Variants in MECOM observed in about 807,000 individuals in gnomAD.
MECOM encodes the protein histone-lysine N-methyltransferase MECOM.
Under a neutral mutation model 116.3 loss-of-function variants are expected in MECOM, and 13 were observed. The ratio of observed to expected loss-of-function variants is 0.11; its 90% CI spans 0.07 to 0.18. The LOEUF is 0.18. Ranked by LOEUF, MECOM falls within the 10% of genes least tolerant of loss-of-function variation. MECOM has a pLI of 1.00. For missense variants in MECOM, 1,299 were observed against 1,509.0 expected (o/e 0.86, Z 2.31); for synonymous variants, 528 against 535.2 (o/e 0.99, Z 0.19).
intron 1 of MECOM, among the ~76,000 whole-genome samples, chr3:169,621,684 G>T (rs766661284): frequency 6.6e-6 from 1 of 152,150 alleles, no homozygotes; most frequent in Non-Finnish European, 1.5e-5. Flanking sequence ...TTGAACCCAG[G>T]GGGTGGAGTT....
chr3:169,482,328 C>CTTTTTTTTTTTTTTTTTT (rs768771100), intron 1 of MECOM, among the ~76,000 whole-genome samples: 1 of 108,396 alleles, frequency 9.2e-6, no homozygotes, highest in East Asian at 2.7e-4. Flanking sequence ...AACCCACGTT[C>CTTTTTTTTTTTTTTTTTT]TTTTTTTTTT....
chr3:169,455,915 A>G (rs1306075967), intron 1 of MECOM, among the ~76,000 whole-genome samples: 1 of 152,222 alleles, frequency 6.6e-6, no homozygotes, highest in Non-Finnish European at 1.5e-5. Context: ...GTTTGCTGGT[A>G]GAAAGCTTTT....
At chr3:169,229,616 A>G (rs984178865) in intron 2 of MECOM, among the ~76,000 whole-genome samples, 4 of 152,086 alleles carry the variant, frequency 2.6e-5, no homozygotes, top group African/African-American at 7.2e-5. Context: ...ACTACTTTCA[A>G]TGGCCCTGGT....
At position 169,309,304 on chromosome 3, in the gene MECOM, C is replaced by A. The variant is rs554983176; in HGVS notation, c.375+71883G>T. On this transcript the variant is annotated intron_variant, in intron 2 of 16. Coordinates refer to ENST00000651503, the MANE Select transcript of MECOM (RefSeq NM_004991.4). ...AAATGGTAAAATAATCTCAGAAGTCCATGTGAGTATGCAAATGTATATTTG... is the reference window on the plus strand; with the variant it reads ...AAATGGTAAAATAATCTCAGAAGTCAATGTGAGTATGCAAATGTATATTTG... Among the ~76,000 whole-genome samples the A allele has an allele frequency of 2.6e-5, 4 of 152,134 alleles. No individual in the cohort carries two copies. In the South Asian group the frequency reaches 8.3e-4, roughly 32 times the overall value.
intron 2 of MECOM, among the ~76,000 whole-genome samples, chr3:169,303,416 A>T (rs1717119447): frequency 6.6e-6 from 1 of 152,134 alleles, no homozygotes; most frequent in Non-Finnish European, 1.5e-5. Flanking sequence ...TCTGTGCCTG[A>T]CCTAAAGATT....
rs963465983 is a variant in MECOM at position 169,230,547 on chromosome 3, T to C, written c.376-86715A>G. ...AAAAAGATGCATAACAAGTATCTTT[T>C]AAATATCAAGCTCTAAAGTAAGTTT... On this transcript the variant is annotated intron_variant, in intron 2 of 16. Transcript: ENST00000651503. Among the ~76,000 whole-genome samples, 4 of 152,180 alleles carry C rather than the reference T, an allele frequency of 2.6e-5. No individual in the cohort carries two copies. In the East Asian group the frequency reaches 7.7e-4, roughly 29 times the overall value.
intron 1 of MECOM, among the ~76,000 whole-genome samples, chr3:169,558,519 T>C (rs960413065): frequency 2.0e-5 from 3 of 152,198 alleles, no homozygotes; most frequent in African/African-American, 7.2e-5. Context: ...TTAAAGTATT[T>C]CACTGGCCTT....
intron 2 of MECOM, among the ~76,000 whole-genome samples, chr3:169,348,166 G>A (rs1725687938): frequency 6.6e-6 from 1 of 152,022 alleles, no homozygotes; most frequent in Non-Finnish European, 1.5e-5. Flanking sequence ...ATGTGAGAGT[G>A]GAGAAAGATG....
At chr3:169,662,365 C>T (rs1169149462) in intron 1 of MECOM, among the ~76,000 whole-genome samples, 1 of 152,216 alleles carries the variant, frequency 6.6e-6, no homozygotes, top group African/African-American at 2.4e-5. Flanking sequence ...GTTTGCTCGG[C>T]GCCCAGCAAG....
chr3:169,123,818 G>A (rs1472785585), intron 5 of MECOM, among the ~76,000 whole-genome samples: 1 of 152,040 alleles, frequency 6.6e-6, no homozygotes, highest in African/African-American at 2.4e-5. Context: ...GGTGGGGCAA[G>A]TGAAGCATCA....
At chr3:169,245,263 A>G (rs1351543658) in intron 2 of MECOM, among the ~76,000 whole-genome samples, 1 of 152,224 alleles carries the variant, frequency 6.6e-6, no homozygotes, top group Non-Finnish European at 1.5e-5. Context: ...GAAAAACAAC[A>G]GAACAGCCAC....
chr3:169,579,121 A>G (rs1005056265), intron 1 of MECOM, among the ~76,000 whole-genome samples: 4 of 152,218 alleles, frequency 2.6e-5, no homozygotes, highest in African/African-American at 9.6e-5. Context: ...ATGCAAGACC[A>G]GATAAATGAC....
chr3:169,245,172 A>G (rs759068792), intron 2 of MECOM, among the ~76,000 whole-genome samples: 4 of 152,212 alleles, frequency 2.6e-5, no homozygotes, highest in Non-Finnish European at 5.9e-5. Flanking sequence ...TGAAATATGC[A>G]AAACATAAAT....
chr3:169,357,888 A>G (rs1354176807), intron 2 of MECOM, among the ~76,000 whole-genome samples: 1 of 151,748 alleles, frequency 6.6e-6, no homozygotes, highest in Non-Finnish European at 1.5e-5. Context: ...TCACTGCTAT[A>G]TTCTCTGGGC....
intron 1 of MECOM, among the ~76,000 whole-genome samples, chr3:169,435,648 C>G (rs1742499678): frequency 1.3e-5 from 2 of 152,124 alleles, no homozygotes; most frequent in African/African-American, 4.8e-5. Flanking sequence ...ACTCATATTT[C>G]CTTTTAAAAT....
At chr3:169,382,077 C>T (rs1287948925) in intron 1 of MECOM, among the ~76,000 whole-genome samples, 3 of 152,126 alleles carry the variant, frequency 2.0e-5, no homozygotes, top group Non-Finnish European at 2.9e-5. Flanking sequence ...CAATTTTGAA[C>T]ATGTCACCAA....
chr3:169,162,568 T>C (rs1432137011), intron 2 of MECOM, among the ~76,000 whole-genome samples: 1 of 152,156 alleles, frequency 6.6e-6, no homozygotes, highest in African/African-American at 2.4e-5. Flanking sequence ...ACTGGGAGCT[T>C]AGGCGAAACA....
At chr3:169,173,814 T>C (rs1427138787) in intron 2 of MECOM, among the ~76,000 whole-genome samples, 4 of 152,188 alleles carry the variant, frequency 2.6e-5, no homozygotes, top group Admixed American at 6.5e-5. Context: ...TGTGACTACC[T>C]ACACTGACGG....
intron 2 of MECOM, among the ~76,000 whole-genome samples, chr3:169,194,391 C>T (rs576936572): frequency 6.6e-6 from 1 of 151,840 alleles, no homozygotes; most frequent in Non-Finnish European, 1.5e-5. Context: ...GTGCAGCACA[C>T]CAACATGGCA....
Sources: gnomAD v4.1 joint callset for allele counts (sites outside exome capture counted in the v4.1 genomes callset) on GRCh38, gnomAD v4.1.1 for gene constraint, MANE v1.5 for transcripts, NCBI Gene and HGNC (gene_info 2026-07-23, HGNC 2026-07-21) for gene names.